ARHGAP45: variants seen among roughly 807,000 people sequenced by gnomAD.
The protein encoded by ARHGAP45 is Rho GTPase activating protein 45, also known as rho GTPase-activating protein 45.
In ARHGAP45, 56 loss-of-function variants were observed where a neutral mutation model predicts 116.1. The observed-to-expected ratio is 0.48, with a 90% confidence interval of 0.39 to 0.60. ARHGAP45 has a LOEUF of 0.60. Among genes scored for constraint, ARHGAP45 ranks in the 20% least tolerant of loss-of-function variants. The pLI, the probability that ARHGAP45 is intolerant of heterozygous loss-of-function variation, is 0.00. For missense variants in ARHGAP45, 1,622 were observed against 1,601.0 expected, an observed-to-expected ratio of 1.01 and a Z score of -0.22; for synonymous variants, 866 against 701.7, an observed-to-expected ratio of 1.23 and a Z score of -3.70.
Position 1,068,765 on chromosome 19 carries a change from G to A in ARHGAP45, c.421+21G>A, listed in dbSNP as rs577161570. On this transcript the variant is annotated intron_variant, in intron 2 of 22. Transcript: ENST00000313093. The surrounding 1 kb of genome is among the most constrained non-coding windows in gnomAD (Gnocchi z 7.5). The stretch of plus-strand genomic sequence containing the variant: ...TGACGGTGAGAGCCACGGGGACACC[G>A]AGGCCTGGGTGGAAGACAGAGCCAG... The A allele has an allele frequency of 1.8e-5, 29 of 1,604,436 alleles. No homozygotes were observed. The highest frequency in any genetic ancestry group is 4.5e-5 in the East Asian group (2 of 44,668).
Position 1,071,257 on chromosome 19 carries a change from G to A in ARHGAP45, c.422-1892G>A. On this transcript the variant is annotated intron_variant, in intron 2 of 22. Coordinates refer to ENST00000313093, the MANE Select transcript of ARHGAP45 (RefSeq NM_012292.5). The surrounding 1 kb of genome is among the most constrained non-coding windows in gnomAD (Gnocchi z 4.6). ...ATCGGTCAGCTGCCAGGCCCCACGC[G>A]CTCGCGGTCTCCGCGCCCCGACGGC... 3 of 1,479,934 alleles carry A rather than the reference G, an allele frequency of 2.0e-6. No individual in the cohort carries two copies. The highest frequency in any genetic ancestry group is 2.9e-5 in the African/African-American group (2 of 67,986). The allele number at this position is 1,479,934 out of a possible 1,614,324, so 91.7% of individuals were successfully genotyped here.
At chr19:1,073,790 G>A in intron 5 of ARHGAP45, 44 bp downstream of exon 5, 3 of 1,553,466 alleles carry the variant, frequency 1.9e-6, no homozygotes, top group Non-Finnish European at 2.6e-6. Context: ...GCTTCTGGAG[G>A]CCAGCCGGGT....
At position 1,071,415 on chromosome 19, in the gene ARHGAP45, C is replaced by G. The variant is rs145575485; in HGVS notation, c.422-1734C>G. The G allele has an allele frequency of 9.0e-7, 1 of 1,116,230 alleles. No individual in the cohort carries two copies. The highest frequency in any genetic ancestry group is 5.0e-5 in the East Asian group (1 of 20,058). 69.1% of individuals were successfully genotyped at this position (1,116,230 alleles called of 1,614,324 possible). ...GCCGCGTCCGGGAGCACGTGGCGCT[C>G]GGGCCGTTTGCCGCCCGCGGTGGGG... is the stretch of plus-strand genomic sequence containing the variant. On this transcript the variant is annotated intron_variant, in intron 2 of 22. Transcript: ENST00000313093. The surrounding 1 kb of genome is among the most constrained non-coding windows in gnomAD (Gnocchi z 4.6).
At position 1,080,125 on chromosome 19, in the gene ARHGAP45, C is replaced by G. The variant is rs571644313; in HGVS notation, c.1703+7C>G. On this transcript the variant is annotated splice_region_variant and intron_variant, in intron 13 of 22. Transcript: ENST00000313093. ...ACGTCTCCGCCAACGCCTGGTACCG[C>G]CACCCAGCTGCCCTGTCCCCGGCGC... is the stretch of plus-strand genomic sequence containing the variant. 1.4e-5 allele frequency: 23 copies of G among 1,611,248 alleles called. No individual in the cohort carries two copies. In the African/African-American group the frequency reaches 2.4e-4, roughly 17 times the overall value.
Position 1,081,701 on chromosome 19 carries a change from G to A in ARHGAP45, c.2342G>A (p.Cys781Tyr). ...PDGVPFIVKK[C>Y]VCEIERRALR... The stretch of plus-strand genomic sequence containing the variant: ...GGCGTGCCCTTCATCGTCAAGAAGT[G>A]CGTCTGCGAGATCGAGCGGCGGGCG... The change falls in exon 18 of 23, where the codon TGC (cysteine) becomes TAC (tyrosine). Residue 781 changes from cysteine (C) to tyrosine (Y), a missense_variant. By Grantham distance (194) the Cys-to-Tyr change is radical. Coordinates refer to ENST00000313093, the MANE Select transcript of ARHGAP45 (RefSeq NM_012292.5). The A allele has an allele frequency of 6.3e-7, 1 of 1,588,658 alleles. No homozygotes were observed. Among genetic ancestry groups the A allele is most frequent in the African/African-American group, 1.3e-5 (1 of 74,520 alleles).
chr19:1,066,414 A>G, upstream of ARHGAP45: 1 of 541,018 alleles, frequency 1.8e-6, no homozygotes, highest in African/African-American at 1.9e-5. Flanking sequence ...GGTGGTCCAG[A>G]GTCACTGGAA....
Position 1,083,312 on chromosome 19 carries a change from C to G in ARHGAP45, c.2914C>G (p.Leu972Val), listed in dbSNP as rs757832494. 3.8e-5 allele frequency: 59 copies of G among 1,569,822 alleles called. No homozygotes were observed. Among genetic ancestry groups the G allele is most frequent in the Non-Finnish European group, 5.1e-5 (59 of 1,157,730 alleles). Residue 972 changes from leucine (L) to valine (V), a missense_variant, in exon 21 of 23, where the codon CTG becomes GTG. By Grantham distance (32) the Leu-to-Val change is conservative (BLOSUM62 1). Around this residue, in one of 3 missense-constraint regions of ARHGAP45, gnomAD observed 1,334 missense variants for 1,263.8 expected, o/e 1.06. Transcript: ENST00000313093. ...CGAGACTCTCATCGTCCACTACGGC[C>G]TGGTCTTCGAGGAGGAGCCGGAGGA... is the stretch of plus-strand genomic sequence containing the variant. ...VIETLIVHYG[L>V]VFEEEPEETP...
At chr19:1,072,002 ACT>A (rs1479625711) in intron 2 of ARHGAP45, among the ~76,000 whole-genome samples, 2 of 147,706 alleles carry the variant, frequency 1.4e-5, no homozygotes, top group East Asian at 4.0e-4. Context: ...TTTCGCCTGT[ACT>A]CTCTGCTTTT....
chr19:1,068,997 A>G lies in ARHGAP45; in HGVS notation c.421+253A>G, dbSNP rs1242263927. On this transcript the variant is annotated intron_variant, in intron 2 of 22. Transcript: ENST00000313093. This position sits in a 1 kb window ranked among gnomAD's most constrained non-coding sequence, Gnocchi z 7.5. ...AGGATCTGATGGCAATTAGGAGGGA[A>G]AGGCAGAGGAAATGTCCCATGCACA... Among the ~76,000 whole-genome samples, 3 of 152,118 alleles carry G rather than the reference A, an allele frequency of 2.0e-5. No homozygotes were observed. Among genetic ancestry groups the G allele is most frequent in the African/African-American group, 4.8e-5 (2 of 41,426 alleles).
In ARHGAP45 at chr19:1,077,752, G is replaced by A. The variant is rs771314389; in HGVS notation, c.1186-105G>A. 6 of 1,538,166 alleles carry A rather than the reference G, an allele frequency of 3.9e-6. No homozygotes were observed. The South Asian group carries it at 4.8e-5, about 12-fold the overall frequency. On this transcript the variant is annotated intron_variant, in intron 10 of 22. Coordinates refer to ENST00000313093, the MANE Select transcript of ARHGAP45 (RefSeq NM_012292.5). ...TCTGCATGCCCAGCTGGGCCATGGG[G>A]CCTTGCTGAGAGAGATGGGGGTGGG...
chr19:1,085,529 C>CA, intron 22 of ARHGAP45, 131 bp from the exon 23 acceptor site: 1 of 643,418 alleles, frequency 1.6e-6, no homozygotes, highest in Non-Finnish European at 2.7e-6. Flanking sequence ...CCTGTCTCTC[C>CA]CCATCTCTCC....
chr19:1,067,152 C>G, upstream of ARHGAP45: 2 of 1,206,534 alleles, frequency 1.7e-6, no homozygotes, highest in Non-Finnish European at 2.1e-6. Context: ...GGCCTGCGAC[C>G]TCACCTTCGC....
intron 17 of ARHGAP45, 112 bp downstream of exon 17, chr19:1,081,176 G>A: frequency 1.6e-6 from 2 of 1,236,612 alleles, no homozygotes; most frequent in Non-Finnish European, 2.2e-6. Context: ...GGGAGCAGTC[G>A]GACGCCTTTG....
At chr19:1,066,177 G>A, upstream of ARHGAP45, 1 of 1,535,094 alleles carries the variant, frequency 6.5e-7, no homozygotes, top group Non-Finnish European at 8.7e-7. Flanking sequence ...GGTGGGAATG[G>A]GGTTTGGGAA....
At chr19:1,077,776 G>A in intron 10 of ARHGAP45, 81 bp from the exon 11 acceptor site, 29 of 1,545,394 alleles carry the variant, frequency 1.9e-5, no homozygotes, top group Non-Finnish European at 2.5e-5. Flanking sequence ...GATGGGGGTG[G>A]GGAGGAAAGG....
intron 10 of ARHGAP45, chr19:1,077,345 G>T (rs1332548201): frequency 1.0e-6 from 1 of 995,560 alleles, no homozygotes; most frequent in African/African-American, 1.8e-5. Flanking sequence ...ATTTCTCCGA[G>T]TGTCCTGTTA....
Position 1,073,506 on chromosome 19 carries a change from C to G in ARHGAP45, c.566C>G (p.Ala189Gly). 1 of 1,613,750 alleles carries G rather than the reference C, an allele frequency of 6.2e-7. No individual in the cohort carries two copies. Among genetic ancestry groups the G allele is most frequent in the Non-Finnish European group, 8.5e-7 (1 of 1,179,796 alleles). Residue 189 changes from alanine to glycine, a missense_variant and splice_region_variant, in exon 4 of 23, where the codon GCC becomes GGC. Around this residue, in one of 3 missense-constraint regions of ARHGAP45, gnomAD observed 279 missense variants for 311.9 expected, o/e 0.89. Coordinates refer to ENST00000313093, the MANE Select transcript of ARHGAP45 (RefSeq NM_012292.5). ...AAGTLIAKVK[A>G]FHYESNNDLE... ...CCTTGTCCTTATCTCTGCTTCCCAG[C>G]CTTCCATTATGAGAGCAACAATGAT... is the stretch of plus-strand genomic sequence containing the variant.
At chr19:1,075,971 C>G (rs1167638507) in intron 10 of ARHGAP45, among the ~76,000 whole-genome samples, 4 of 152,280 alleles carry the variant, frequency 2.6e-5, no homozygotes, top group Admixed American at 2.0e-4. Context: ...GATTTTTATC[C>G]TCACCTCCAT....
intron 10 of ARHGAP45, chr19:1,077,149 G>A (rs924754704): frequency 5.1e-6 from 5 of 985,236 alleles, no homozygotes; most frequent in African/African-American, 3.5e-5. Context: ...ACCTGTGGGC[G>A]CCTGGCTTCC....
Sources: gnomAD v4.1 joint callset for allele counts (sites outside exome capture counted in the v4.1 genomes callset) on GRCh38, gnomAD v4.1.1 for gene constraint, gnomAD v4.1.1 regional missense constraint, Gnocchi (gnomAD v3.1) non-coding constraint, MANE v1.5 for transcripts, NCBI Gene and HGNC (gene_info 2026-07-23, HGNC 2026-07-21) for gene names.